AZGP1: variants seen among roughly 807,000 people sequenced by gnomAD.
The protein encoded by AZGP1 is alpha-2-glycoprotein 1, zinc-binding.
Under a neutral mutation model 31.5 loss-of-function variants are expected in AZGP1, and 28 were observed. The ratio of observed to expected loss-of-function variants is 0.89; its 90% CI spans 0.66 to 1.22. The LOEUF (loss-of-function observed/expected upper bound fraction) is 1.22, where lower values mean the gene tolerates loss of function less well. AZGP1 is among the 50% of genes most tolerant of loss of function. AZGP1 has a pLI of 0.00. For synonymous variants in AZGP1, 135 were observed against 145.4 expected, an observed-to-expected ratio of 0.93 and a Z score of 0.51; for missense variants, 361 against 371.8, an observed-to-expected ratio of 0.97 and a Z score of 0.24.
At position 99,968,215 on chromosome 7, in the gene AZGP1, C is replaced by T. The variant is rs775718647; in HGVS notation, c.553G>A (p.Glu185Lys). Reference protein sequence around the residue: ...VQRAKAYLEEECPATLRKYLK... With the variant: ...VQRAKAYLEEKCPATLRKYLK... ...TATTTCCGCAGAGTCGCAGGGCACTCCTCCTCCAGGTAAGCCTTGGCCCGC... is the reference window on the plus strand; with the variant it reads ...TATTTCCGCAGAGTCGCAGGGCACTTCTCCTCCAGGTAAGCCTTGGCCCGC... The change falls in exon 3 of 4, where the codon GAG becomes AAG. Residue 185 changes from glutamate to lysine, a missense_variant. Transcript: ENST00000292401. 21 of 1,613,734 alleles carry T rather than the reference C, an allele frequency of 1.3e-5. No homozygotes were observed. In the East Asian group the frequency reaches 3.3e-4, roughly 26 times the overall value.
chr7:99,970,007 C>T (rs920423171), intron 2 of AZGP1, among the ~76,000 whole-genome samples: 3 of 152,146 alleles, frequency 2.0e-5, no homozygotes, highest in African/African-American at 7.2e-5. Flanking sequence ...ACTCTGAAAG[C>T]TCTCAAGCTG....
intron 2 of AZGP1, chr7:99,968,780 T>C (rs950115326): frequency 7.2e-6 from 2 of 277,084 alleles, no homozygotes; most frequent in Non-Finnish European, 1.3e-5. Flanking sequence ...CAGGGTGATA[T>C]GGCGAAATCC....
intron 2 of AZGP1, among the ~76,000 whole-genome samples, chr7:99,971,236 T>C (rs1488573996): frequency 1.3e-5 from 2 of 152,208 alleles, no homozygotes; most frequent in Non-Finnish European, 2.9e-5. Flanking sequence ...AGAACAGACA[T>C]AGTTAAATAT....
intron 1 of AZGP1, among the ~76,000 whole-genome samples, chr7:99,974,265 A>C (rs142344773): frequency 2.3e-3 from 349 of 152,020 alleles, no homozygotes; most frequent in African/African-American, 7.1e-3. Flanking sequence ...TAATAATAAT[A>C]ATCATAATTT....
chr7:99,971,711 A>G (rs1175417830), intron 2 of AZGP1, 35 bp downstream of exon 2: 2 of 1,599,114 alleles, frequency 1.3e-6, no homozygotes, highest in Non-Finnish European at 1.7e-6. Flanking sequence ...CTCTTGGGTT[A>G]GACCTTCCAC....
chr7:99,971,997 G>C lies in AZGP1; in HGVS notation c.86C>G (p.Ser29Cys). The C allele has an allele frequency of 6.2e-7, 1 of 1,608,072 alleles. No individual in the cohort carries two copies. Among genetic ancestry groups the C allele is most frequent in the Non-Finnish European group, 8.5e-7 (1 of 1,176,594 alleles). ...VPQENQDGRY[S>C]LTYIYTGLSK... ...CAGCCCAGTGTAGATATAGGTCAGA[G>C]AGTAACGACCTGCAAAAGAAAAGAT... Residue 29 changes from serine to cysteine, a missense_variant, in exon 2 of 4, where the codon TCT becomes TGT. Transcript: ENST00000292401.
At chr7:99,971,217 A>G (rs1481272849) in intron 2 of AZGP1, among the ~76,000 whole-genome samples, 2 of 152,222 alleles carry the variant, frequency 1.3e-5, no homozygotes, top group Non-Finnish European at 2.9e-5. Flanking sequence ...AGACTGTGAC[A>G]TCCTTCATAG....
chr7:99,972,171 T>C (rs887907923), intron 1 of AZGP1, among the ~76,000 whole-genome samples, 165 bp from the exon 2 acceptor site: 3 of 152,224 alleles, frequency 2.0e-5, no homozygotes, highest in Non-Finnish European at 2.9e-5. Context: ...TATGCTCTAC[T>C]TTCATGCCTG....
chr7:99,968,989 A>AAAAAAAAAC (rs1789538369), intron 2 of AZGP1, among the ~76,000 whole-genome samples: 2 of 149,514 alleles, frequency 1.3e-5, no homozygotes, highest in African/African-American at 2.5e-5. Context: ...AAAAAAAAAA[A>AAAAAAAAAC]AGCACCAGGC....
At chr7:99,967,381 CA>C in intron 3 of AZGP1, 95 bp from the exon 4 acceptor site, 1 of 1,405,796 alleles carries the variant, frequency 7.1e-7, no homozygotes, top group Admixed American at 2.2e-5. Flanking sequence ...CAGCGATCAG[CA>C]GAGCTCGAAG....
chr7:99,971,757 T>C lies in AZGP1; in HGVS notation c.326A>G (p.Asn109Ser). ...TGTTATTCACTGACCGTTACTGTCG[T>C]TGTAATACTCCACGATGTCTTTCAG... is the stretch of plus-strand genomic sequence containing the variant. Reference protein sequence around the residue: ...ETLKDIVEYYNDSNGSHVLQG... With the variant: ...ETLKDIVEYYSDSNGSHVLQG... Residue 109 changes from asparagine to serine, a missense_variant, in exon 2 of 4, where the codon AAC becomes AGC. Coordinates refer to ENST00000292401, the MANE Select transcript of AZGP1 (RefSeq NM_001185.4). 6.2e-7 allele frequency: 1 copy of C among 1,613,982 alleles called. No individual in the cohort carries two copies. Among genetic ancestry groups the C allele is most frequent in the Non-Finnish European group, 8.5e-7 (1 of 1,179,956 alleles).
At chr7:99,973,319 T>A (rs1789609812) in intron 1 of AZGP1, among the ~76,000 whole-genome samples, 1 of 152,118 alleles carries the variant, frequency 6.6e-6, no homozygotes, top group Non-Finnish European at 1.5e-5. Flanking sequence ...GACATTTCCA[T>A]AATAGTTCCA....
chr7:99,967,955 T>C lies in AZGP1; in HGVS notation c.613+200A>G, dbSNP rs146565177. 9.4e-4 allele frequency: 720 copies of C among 768,260 alleles called. 2 individuals carry two copies. Among genetic ancestry groups the C allele is most frequent in the Non-Finnish European group, 1.2e-3 (569 of 473,874 alleles). 47.6% of individuals were successfully genotyped at this position (768,260 alleles called of 1,614,324 possible). On this transcript the variant is annotated intron_variant, in intron 3 of 3. Transcript: ENST00000292401. The stretch of plus-strand genomic sequence containing the variant: ...AAAGAATGGCCTTCCTGGCCCATTC[T>C]GCCTGAAATTTTGATGATGTTCTTT...
intron 1 of AZGP1, among the ~76,000 whole-genome samples, chr7:99,973,562 G>C (rs1789612732): frequency 6.6e-6 from 1 of 151,896 alleles, no homozygotes. Flanking sequence ...TGGTTAATGG[G>C]TACAAAAAAA....
intron 2 of AZGP1, among the ~76,000 whole-genome samples, chr7:99,970,398 C>T (rs1260379717): frequency 6.6e-6 from 1 of 152,160 alleles, no homozygotes; most frequent in Middle Eastern, 3.4e-3. Flanking sequence ...CGTGTGCCAC[C>T]ATGCCAGGCT....
Position 99,967,026 on chromosome 7 carries a change from C to T in AZGP1, c.874G>A (p.Val292Met), listed in dbSNP as rs759874792. The T allele has an allele frequency of 6.8e-6, 11 of 1,613,682 alleles. No individual in the cohort carries two copies. Among genetic ancestry groups the T allele is most frequent in the Admixed American group, 3.3e-5 (2 of 59,994 alleles). ...VQHSSLAQPL[V>M]VPWEAS ...TCCTAGCTGGCCTCCCAGGGCACCA[C>T]GAGGGGCTGGGCCAGGCTGCTGTGC... The change falls in exon 4 of 4, where the codon GTG becomes ATG. Residue 292 changes from valine to methionine, a missense_variant. Val to Met is a conservative substitution (Grantham distance 21). Coordinates refer to ENST00000292401, the MANE Select transcript of AZGP1 (RefSeq NM_001185.4).
intron 2 of AZGP1, chr7:99,971,526 GA>G (rs1789576891): frequency 1.7e-6 from 1 of 575,116 alleles, no homozygotes; most frequent in Non-Finnish European, 3.0e-6. Flanking sequence ...CTTCCTGTGT[GA>G]CCTGAGGCCT....
chr7:99,967,763 C>T (rs1375973790), intron 3 of AZGP1: 4 of 481,546 alleles, frequency 8.3e-6, no homozygotes, highest in East Asian at 7.4e-5. Flanking sequence ...TTCTCTCCAC[C>T]ACCCAGATGG....
At chr7:99,967,851 A>G (rs887823776) in intron 3 of AZGP1, 1 of 573,268 alleles carries the variant, frequency 1.7e-6, no homozygotes, top group African/African-American at 1.9e-5. Context: ...TCTGCCTCTT[A>G]CAGACAGTGT....
Sources: gnomAD v4.1 joint callset for allele counts (sites outside exome capture counted in the v4.1 genomes callset) on GRCh38, gnomAD v4.1.1 for gene constraint, MANE v1.5 for transcripts, NCBI Gene and HGNC (gene_info 2026-07-23, HGNC 2026-07-21) for gene names.